MAD1L1: variants seen among roughly 807,000 people sequenced by gnomAD.
MAD1L1 encodes mitotic spindle assembly checkpoint protein MAD1.
MAD1L1 carries 95 observed loss-of-function variants against 96.9 expected under a neutral mutation model. The observed-to-expected ratio is 0.98, with a 90% CI of 0.83 to 1.16. The LOEUF (loss-of-function observed/expected upper bound fraction) is 1.16, where lower values mean the gene tolerates loss of function less well. Among genes scored for constraint, MAD1L1 ranks in the 50% most tolerant of loss-of-function variants. The probability of loss-of-function intolerance (pLI) is 0.00; values close to 1 mark genes in which losing one functional copy is unlikely to be tolerated. For missense variants in MAD1L1, 1,007 were observed against 954.4 expected, an observed-to-expected ratio of 1.06 and a Z score of -0.73; for synonymous variants, 473 against 396.6, an observed-to-expected ratio of 1.19 and a Z score of -2.29.
intron 16 of MAD1L1, among the ~76,000 whole-genome samples, chr7:1,947,260 G>A (rs191152787): frequency 6.6e-6 from 1 of 152,294 alleles, no homozygotes; most frequent in East Asian, 1.9e-4. Context: ...TGGGGAGGAG[G>A]CTGCCTCCAG....
chr7:1,909,330 T>C lies in MAD1L1; in HGVS notation c.1808-10940A>G, dbSNP rs961646831. Among the ~76,000 whole-genome samples, 5 of 152,286 alleles carry C rather than the reference T, an allele frequency of 3.3e-5. 1 individual carries two copies. In the South Asian group the frequency reaches 1.0e-3, roughly 32 times the overall value. On this transcript the variant is annotated intron_variant, in intron 17 of 18. Transcript: ENST00000265854. ...CAGCCCCGGTCCTGCCCAGGCCCAA[T>C]GCCGAGCCAGGCTTCCCGGGACTGA...
At chr7:1,878,658 C>T (rs1785510907) in intron 18 of MAD1L1, among the ~76,000 whole-genome samples, 1 of 151,118 alleles carries the variant, frequency 6.6e-6, no homozygotes, top group Non-Finnish European at 1.5e-5. Context: ...CTATGAAAAA[C>T]TCATATTTAA....
intron 18 of MAD1L1, among the ~76,000 whole-genome samples, chr7:1,860,757 T>A (rs2128647231): frequency 6.6e-6 from 1 of 152,014 alleles, no homozygotes; most frequent in East Asian, 2.0e-4. Context: ...TCCGCTCACA[T>A]CTCAGGATTC....
At chr7:2,094,455 A>T (rs1401035548) in intron 11 of MAD1L1, among the ~76,000 whole-genome samples, 2 of 152,224 alleles carry the variant, frequency 1.3e-5, no homozygotes, top group East Asian at 3.9e-4. Context: ...ACAAAAAACC[A>T]AAGTCTATAA....
At chr7:2,148,434 C>T (rs1291824666) in intron 11 of MAD1L1, 1 of 153,018 alleles carries the variant, frequency 6.5e-6, no homozygotes, top group Non-Finnish European at 1.5e-5. Flanking sequence ...ATGGTAGCTC[C>T]ACCTTCTGGT....
At chr7:2,178,791 G>A (rs1433122992) in intron 10 of MAD1L1, among the ~76,000 whole-genome samples, 1 of 151,910 alleles carries the variant, frequency 6.6e-6, no homozygotes, top group Non-Finnish European at 1.5e-5. Flanking sequence ...CAGCTACCTG[G>A]GAGGCTGAGG....
chr7:2,142,076 G>C lies in MAD1L1; in HGVS notation c.1073+7076C>G, dbSNP rs1276765076. On this transcript the variant is annotated intron_variant, in intron 11 of 18. Transcript: ENST00000265854. The surrounding 1 kb of genome is among the most constrained non-coding windows in gnomAD (Gnocchi z 4.7). ...GACTCACTGAGGGGTCCATGTTCAAGTGCATGGTGCCAGACCCCAGGCACA... is the reference window on the plus strand; with the variant it reads ...GACTCACTGAGGGGTCCATGTTCAACTGCATGGTGCCAGACCCCAGGCACA... Among the ~76,000 whole-genome samples the C allele has an allele frequency of 6.6e-6, 1 of 152,224 alleles. No homozygotes were observed. Among genetic ancestry groups the C allele is most frequent in the Non-Finnish European group, 1.5e-5 (1 of 68,038 alleles).
intron 18 of MAD1L1, among the ~76,000 whole-genome samples, chr7:1,841,315 G>A (rs1026257606): frequency 1.3e-5 from 2 of 152,260 alleles, no homozygotes; most frequent in African/African-American, 4.8e-5. Context: ...TCGCCCGGCT[G>A]CATCTGATGC....
intron 10 of MAD1L1, among the ~76,000 whole-genome samples, chr7:2,194,857 T>C (rs968548291): frequency 3.9e-5 from 6 of 152,140 alleles, no homozygotes; most frequent in African/African-American, 1.4e-4. Context: ...GCAGATCACC[T>C]GAAGTTAGGA....
At chr7:2,201,059 T>C (rs900355556) in intron 10 of MAD1L1, among the ~76,000 whole-genome samples, 1 of 152,328 alleles carries the variant, frequency 6.6e-6, no homozygotes, top group South Asian at 2.1e-4. Flanking sequence ...TACAGCTGGC[T>C]GCAGGGAGTG....
At chr7:2,048,042 C>CATACACAGCACTCAACACAGAT (rs1784008817) in intron 12 of MAD1L1, among the ~76,000 whole-genome samples, 1 of 152,206 alleles carries the variant, frequency 6.6e-6, no homozygotes, top group South Asian at 2.1e-4. Context: ...TGGACACACA[C>CATACACAGCACTCAACACAGAT]ATACACAGCA....
intron 10 of MAD1L1, among the ~76,000 whole-genome samples, chr7:2,209,005 T>A (rs1792745510): frequency 6.6e-6 from 1 of 152,202 alleles, no homozygotes; most frequent in Non-Finnish European, 1.5e-5. Flanking sequence ...GGCACTGGCA[T>A]CCTGCCCTTC....
At chr7:1,852,135 C>T (rs773541849) in intron 18 of MAD1L1, among the ~76,000 whole-genome samples, 1 of 152,162 alleles carries the variant, frequency 6.6e-6, no homozygotes, top group Non-Finnish European at 1.5e-5. Flanking sequence ...CAGAGCGGGT[C>T]GGGGAGAAGC....
chr7:2,023,906 G>A (rs946346560), intron 12 of MAD1L1, among the ~76,000 whole-genome samples: 6 of 151,898 alleles, frequency 4.0e-5, no homozygotes, highest in Non-Finnish European at 7.4e-5. Context: ...CCGAGATCAC[G>A]CCACTGCACT....
At chr7:2,229,219 G>A (rs1273499675) in intron 3 of MAD1L1, among the ~76,000 whole-genome samples, 4 of 152,228 alleles carry the variant, frequency 2.6e-5, no homozygotes, top group Non-Finnish European at 4.4e-5. Flanking sequence ...GACTGGGAAA[G>A]AGGGTCCAGG....
intron 1 of MAD1L1, 24 bp from the exon 2 acceptor site, chr7:2,230,751 G>A: frequency 6.5e-6 from 1 of 152,974 alleles, no homozygotes; most frequent in East Asian, 1.9e-4. Flanking sequence ...GAGAGGAAGA[G>A]TGTATCCCAG....
At chr7:1,820,683 T>C (rs1288729952) in intron 18 of MAD1L1, among the ~76,000 whole-genome samples, 9 of 151,934 alleles carry the variant, frequency 5.9e-5, no homozygotes, top group Non-Finnish European at 1.0e-4. Context: ...TTTGAGGCTG[T>C]AGTGAGCTAT....
At chr7:2,219,237 GTGTATCCACA>G in intron 6 of MAD1L1, 85 bp downstream of exon 6, 1 of 1,148,460 alleles carries the variant, frequency 8.7e-7, no homozygotes, top group Non-Finnish European at 1.2e-6. Context: ...GCATCTGGGA[GTGTATCCACA>G]TCCCACCCAG....
rs549465774 is a variant in MAD1L1, at chr7:2,014,514, G to A, written c.1347C>T (p.Ser449=). The A allele has an allele frequency of 2.6e-4, 408 of 1,594,976 alleles. 4 individuals are homozygous for A. In the South Asian group the frequency reaches 4.2e-3, roughly 16 times the overall value. ...CGCGGCCCCTCACCTCCATCTCGGC[G>A]CTGTGGCTGTGCACCTTCTGCACCA... is the stretch of plus-strand genomic sequence containing the variant. ...EDMVQKVHSH[S]AEMEAQLSQA... The change falls in exon 13 of 19, where the codon AGC becomes AGT. Residue 449 remains serine (S), a synonymous_variant. Coordinates refer to ENST00000265854, the MANE Select transcript of MAD1L1 (RefSeq NM_001013836.2).
Sources: gnomAD v4.1 joint callset for allele counts (sites outside exome capture counted in the v4.1 genomes callset) on GRCh38, gnomAD v4.1.1 for gene constraint, Gnocchi (gnomAD v3.1) non-coding constraint, MANE v1.5 for transcripts, NCBI Gene and HGNC (gene_info 2026-07-23, HGNC 2026-07-21) for gene names.